The following ABCA13 variants were observed in gnomAD, a reference collection of about 807,000 sequenced individuals.
The protein encoded by ABCA13 is ATP binding cassette subfamily A member 13.
A neutral mutation model predicts 478.7 loss-of-function variants in ABCA13; 476 were observed. That is an observed-to-expected ratio of 0.99 (90% confidence interval 0.92 to 1.07). ABCA13 has a LOEUF of 1.07. Among genes scored for constraint, ABCA13 ranks in the 50% least tolerant of loss-of-function variants. The probability of loss-of-function intolerance (pLI) is 0.00; values close to 1 mark genes in which losing one functional copy is unlikely to be tolerated. For synonymous variants in ABCA13, 2,252 were observed against 2,158.9 expected, an observed-to-expected ratio of 1.04 and a Z score of -1.20; for missense variants, 6,060 against 5,910.6, an observed-to-expected ratio of 1.03 and a Z score of -0.83.
intron 41 of ABCA13, among the ~76,000 whole-genome samples, chr7:48,425,885 G>A (rs2129133187): frequency 6.6e-6 from 1 of 152,122 alleles, no homozygotes; most frequent in South Asian, 2.1e-4. Flanking sequence ...GGGACTACAG[G>A]CGCCCGCCAC....
rs183450443 is a variant in ABCA13, at chr7:48,535,100, C to T, written c.14354+6755C>T. On this transcript the variant is annotated intron_variant, in intron 55 of 61. Transcript: ENST00000435803. ...AAAGAATTATGTTTTGTCATATTAC[C>T]GGAATTGTTTTTCTGGTTTCCTCCT... Among the ~76,000 whole-genome samples, 16 of 152,128 alleles carry T rather than the reference C, an allele frequency of 1.1e-4. No individual in the cohort carries two copies. The East Asian group carries it at 1.2e-3, about 11-fold the overall frequency.
intron 1 of ABCA13, among the ~76,000 whole-genome samples, chr7:48,187,009 A>ATG (rs1034561061): frequency 2.8e-5 from 4 of 140,604 alleles, no homozygotes; most frequent in East Asian, 2.0e-4. Context: ...GCATATATAT[A>ATG]TGTGTGTGTG....
intron 47 of ABCA13, among the ~76,000 whole-genome samples, chr7:48,488,139 G>A (rs1020822445): frequency 7.2e-5 from 11 of 152,028 alleles, no homozygotes; most frequent in Non-Finnish European, 1.5e-5. Flanking sequence ...ATTTTAAAAT[G>A]AGTGGTGTGA....
intron 3 of ABCA13, among the ~76,000 whole-genome samples, chr7:48,214,506 A>G (rs987345609): frequency 2.0e-5 from 3 of 152,330 alleles, no homozygotes; most frequent in East Asian, 1.9e-4. Flanking sequence ...GCATCTTCCA[A>G]TGCAAGGCTG....
intron 20 of ABCA13, among the ~76,000 whole-genome samples, chr7:48,289,869 C>T (rs1798267165): frequency 6.6e-6 from 1 of 152,110 alleles, no homozygotes; most frequent in Non-Finnish European, 1.5e-5. Context: ...TTGCTTATCT[C>T]AGGATGCAAA....
chr7:48,479,258 G>C (rs947285798), intron 45 of ABCA13, among the ~76,000 whole-genome samples: 3 of 150,220 alleles, frequency 2.0e-5, no homozygotes, highest in Non-Finnish European at 4.4e-5. Flanking sequence ...CTTTTTTTGA[G>C]ACAGAGTCTC....
At chr7:48,514,351 G>T (rs1266090913) in intron 51 of ABCA13, among the ~76,000 whole-genome samples, 1 of 152,206 alleles carries the variant, frequency 6.6e-6, no homozygotes, top group Non-Finnish European at 1.5e-5. Context: ...AGCAGAGAAA[G>T]ACCCAGTCTT....
At chr7:48,609,828 A>G (rs1791844669) in intron 58 of ABCA13, among the ~76,000 whole-genome samples, 1 of 152,158 alleles carries the variant, frequency 6.6e-6, no homozygotes, top group Admixed American at 6.5e-5. Flanking sequence ...ACCAGATCTC[A>G]TGAGAACTCA....
chr7:48,467,902 A>G (rs959935219), intron 44 of ABCA13, among the ~76,000 whole-genome samples: 6 of 152,250 alleles, frequency 3.9e-5, no homozygotes, highest in African/African-American at 1.4e-4. Context: ...TGTTCTCAGT[A>G]AGAAAGAATT....
At chr7:48,401,744 AACAC>A (rs55694821) in intron 38 of ABCA13, among the ~76,000 whole-genome samples, 49 of 143,980 alleles carry the variant, frequency 3.4e-4, no homozygotes, top group South Asian at 8.8e-4. Flanking sequence ...AGAATTTTAA[AACAC>A]ACACACACAC....
At chr7:48,581,054 A>T (rs1788658621) in intron 56 of ABCA13, among the ~76,000 whole-genome samples, 1 of 152,194 alleles carries the variant, frequency 6.6e-6, no homozygotes, top group African/African-American at 2.4e-5. Flanking sequence ...TTGTACCGTG[A>T]GCCACCAAAA....
chr7:48,631,455 A>G (rs1440154420), intron 59 of ABCA13, among the ~76,000 whole-genome samples: 2 of 152,098 alleles, frequency 1.3e-5, no homozygotes, highest in Non-Finnish European at 2.9e-5. Flanking sequence ...TAAAGATTAG[A>G]TAGTTGTAGG....
intron 43 of ABCA13, among the ~76,000 whole-genome samples, chr7:48,456,574 T>C (rs1825697901): frequency 6.6e-6 from 1 of 152,360 alleles, no homozygotes; most frequent in South Asian, 2.1e-4. Flanking sequence ...ATAATACTTG[T>C]ATCTACATGC....
intron 48 of ABCA13, among the ~76,000 whole-genome samples, chr7:48,493,548 G>A (rs1830021279): frequency 6.6e-6 from 1 of 152,062 alleles, no homozygotes; most frequent in South Asian, 2.1e-4. Context: ...ATTTTATTTT[G>A]TGTTATTGGG....
intron 56 of ABCA13, among the ~76,000 whole-genome samples, chr7:48,585,017 A>G (rs910739815): frequency 4.7e-4 from 71 of 151,912 alleles, no homozygotes; most frequent in African/African-American, 1.6e-3. Flanking sequence ...TTCATCTCTC[A>G]TATGAGTGTT....
intron 55 of ABCA13, among the ~76,000 whole-genome samples, chr7:48,531,450 C>T (rs1833224328): frequency 6.6e-6 from 1 of 151,970 alleles, no homozygotes; most frequent in Admixed American, 6.6e-5. Context: ...GTTCTTTTTG[C>T]TTAGCAATTG....
In ABCA13 at chr7:48,535,610, G is replaced by A. The variant is rs143814394; in HGVS notation, c.14354+7265G>A. Among the ~76,000 whole-genome samples, 346 of 152,234 alleles carry A rather than the reference G, an allele frequency of 2.3e-3. 2 individuals carry two copies. Among genetic ancestry groups the A allele is most frequent in the African/African-American group, 7.8e-3 (325 of 41,558 alleles). ...GCTTTATCTTCAGCTACCAGGGCAG[G>A]TAGAGAAGGACCATCAGATGGGGGC... On this transcript the variant is annotated intron_variant, in intron 55 of 61. Coordinates refer to ENST00000435803, the MANE Select transcript of ABCA13 (RefSeq NM_152701.5).
intron 1 of ABCA13, among the ~76,000 whole-genome samples, chr7:48,180,486 T>C (rs1795523417): frequency 6.6e-6 from 1 of 152,222 alleles, no homozygotes; most frequent in African/African-American, 2.4e-5. Context: ...AATGGCGTGA[T>C]CTCAGCTTAC....
At chr7:48,291,111 C>G (rs1267974763) in intron 20 of ABCA13, among the ~76,000 whole-genome samples, 4 of 152,146 alleles carry the variant, frequency 2.6e-5, no homozygotes, top group African/African-American at 9.7e-5. Flanking sequence ...TGCTACCATC[C>G]TTTTTCTTTC....
Sources: gnomAD v4.1 joint callset for allele counts (sites outside exome capture counted in the v4.1 genomes callset) on GRCh38, gnomAD v4.1.1 for gene constraint, MANE v1.5 for transcripts, NCBI Gene and HGNC (gene_info 2026-07-23, HGNC 2026-07-21) for gene names.